The following CDIN1 variants were observed in gnomAD, a reference collection of about 807,000 sequenced individuals.
CDIN1 encodes the protein CDAN1-interacting nuclease 1.
A neutral mutation model predicts 45.3 loss-of-function variants in CDIN1; 33 were observed. The observed-to-expected ratio is 0.73, with a 90% CI of 0.55 to 0.97. CDIN1 has a LOEUF of 0.97. CDIN1 is among the 50% of genes least tolerant of loss of function. CDIN1 has a pLI of 0.00. For synonymous variants in CDIN1, 118 were observed against 124.4 expected, an observed-to-expected ratio of 0.95 and a Z score of 0.34; for missense variants, 303 against 339.4, an observed-to-expected ratio of 0.89 and a Z score of 0.84.
rs748128335 is a variant in CDIN1 at position 36,702,118 on chromosome 15, C to A, written c.544+4728C>A. ...AGTAAGAGACCAGAAATGGAACATACGATTATGTAGGCTGAAGGGAATGGA... is the reference window on the plus strand; with the variant it reads ...AGTAAGAGACCAGAAATGGAACATAAGATTATGTAGGCTGAAGGGAATGGA... On this transcript the variant is annotated intron_variant, in intron 8 of 10. Coordinates refer to ENST00000566621, the MANE Select transcript of CDIN1 (RefSeq NM_001321759.2). The A allele has an allele frequency of 4.3e-6, 3 of 701,828 alleles. No homozygotes were observed. The Admixed American group carries it at 6.0e-5, about 14-fold the overall frequency. The allele number at this position is 701,828 out of a possible 1,614,324, so 43.5% of individuals were successfully genotyped here.
At chr15:36,637,851 AAGTTTAC>A (rs1184923397) in intron 1 of CDIN1, among the ~76,000 whole-genome samples, 1 of 152,234 alleles carries the variant, frequency 6.6e-6, no homozygotes, top group Non-Finnish European at 1.5e-5. Flanking sequence ...ACTTAATATG[AAGTTTAC>A]AGACAGGCAA....
chr15:36,791,377 G>A (rs1275315921), intron 10 of CDIN1, among the ~76,000 whole-genome samples: 2 of 152,162 alleles, frequency 1.3e-5, no homozygotes, highest in African/African-American at 4.8e-5. Flanking sequence ...CTATCTAGTG[G>A]AGGAGATAAA....
chr15:36,618,072 C>T lies in CDIN1; in HGVS notation c.102-26206C>T, dbSNP rs149526391. 129 of 748,782 alleles carry T rather than the reference C, an allele frequency of 1.7e-4. No individual in the cohort carries two copies. The East Asian group carries it at 3.2e-3, about 18-fold the overall frequency. The allele number at this position is 748,782 out of a possible 1,614,324, so 46.4% of individuals were successfully genotyped here. A position where few individuals can be genotyped will look rare whatever the true frequency, so the allele number is the denominator to read the frequency against. Reference sequence around the variant, plus strand: ...AGTATTATTCCTCAGTCTTGGTCTCCAAATCCTACACCTTACTTTGAAACA... The same window carrying T: ...AGTATTATTCCTCAGTCTTGGTCTCTAAATCCTACACCTTACTTTGAAACA... On this transcript the variant is annotated intron_variant, in intron 1 of 10. Coordinates refer to ENST00000566621, the MANE Select transcript of CDIN1 (RefSeq NM_001321759.2).
At position 36,579,730 on chromosome 15, in the gene CDIN1, T is replaced by G. The variant is rs1386768246; in HGVS notation, c.-131T>G. ...GCTAGGGGTGTGTTTCAGGGGGGAT[T>G]GGGGCAAGCCAAGCAGGCGAGGACC... On this transcript the variant is annotated 5_prime_UTR_variant, in exon 1 of 11. The change creates a new upstream start codon in the 5' untranslated region. Transcript: ENST00000566621. 2 of 680,798 alleles carry G rather than the reference T, an allele frequency of 2.9e-6. No individual in the cohort carries two copies. The highest frequency in any genetic ancestry group is 4.9e-6 in the Non-Finnish European group (2 of 406,518). 42.2% of individuals were successfully genotyped at this position (680,798 alleles called of 1,614,324 possible). A position where few individuals can be genotyped will look rare whatever the true frequency, so the allele number is the denominator to read the frequency against.
At chr15:36,786,552 A>AG (rs2054496231) in intron 10 of CDIN1, among the ~76,000 whole-genome samples, 1 of 152,276 alleles carries the variant, frequency 6.6e-6, no homozygotes, top group African/African-American at 2.4e-5. Flanking sequence ...AAATTTCATA[A>AG]GGTCAACTGT....
At chr15:36,733,711 G>T (rs1261750375) in intron 10 of CDIN1, among the ~76,000 whole-genome samples, 1 of 152,050 alleles carries the variant, frequency 6.6e-6, no homozygotes, top group Non-Finnish European at 1.5e-5. Context: ...GTTTGCTCTT[G>T]TAACAACTAT....
intron 1 of CDIN1, among the ~76,000 whole-genome samples, chr15:36,598,752 T>C (rs1163150696): frequency 6.6e-6 from 1 of 152,134 alleles, no homozygotes. Context: ...CTTCCTTTCC[T>C]CATCTGTCCA....
intron 1 of CDIN1, chr15:36,618,587 A>G (rs1396661398): frequency 1.2e-6 from 1 of 855,128 alleles, no homozygotes; most frequent in African/African-American, 1.7e-5. Flanking sequence ...ATTTTGGAGA[A>G]TAGGATGTCT....
At chr15:36,714,872 G>C (rs1270363803) in intron 10 of CDIN1, among the ~76,000 whole-genome samples, 1 of 152,186 alleles carries the variant, frequency 6.6e-6, no homozygotes, top group Non-Finnish European at 1.5e-5. Context: ...GAAGTTCTGA[G>C]GTCACTGATA....
At chr15:36,746,397 G>A (rs921014583) in intron 10 of CDIN1, among the ~76,000 whole-genome samples, 9 of 152,070 alleles carry the variant, frequency 5.9e-5, no homozygotes, top group African/African-American at 1.9e-4. Context: ...GGGATATTAA[G>A]GACATGTATT....
At chr15:36,653,251 G>C (rs1002811728) in intron 3 of CDIN1, among the ~76,000 whole-genome samples, 2 of 152,102 alleles carry the variant, frequency 1.3e-5, no homozygotes, top group Admixed American at 1.3e-4. Flanking sequence ...CGAAGAAGGT[G>C]ACATCTGAAT....
intron 1 of CDIN1, among the ~76,000 whole-genome samples, chr15:36,586,422 C>T (rs2037303349): frequency 6.6e-6 from 1 of 152,140 alleles, no homozygotes; most frequent in African/African-American, 2.4e-5. Context: ...TAACCAGTGT[C>T]ATCCACTGCC....
At chr15:36,682,954 G>A (rs2041909600) in intron 5 of CDIN1, among the ~76,000 whole-genome samples, 1 of 152,070 alleles carries the variant, frequency 6.6e-6, no homozygotes, top group African/African-American at 2.4e-5. Flanking sequence ...ATAGAATTGT[G>A]TAAAAAAAGA....
chr15:36,649,073 G>A (rs890857161), intron 3 of CDIN1, among the ~76,000 whole-genome samples: 1 of 152,156 alleles, frequency 6.6e-6, no homozygotes, highest in South Asian at 2.1e-4. Flanking sequence ...GACAGATCAG[G>A]CTTTATTTAA....
At chr15:36,776,200 A>G (rs1244787371) in intron 10 of CDIN1, among the ~76,000 whole-genome samples, 1 of 152,208 alleles carries the variant, frequency 6.6e-6, no homozygotes, top group African/African-American at 2.4e-5. Context: ...CCTTTGATCA[A>G]GTCTTTCACT....
chr15:36,807,857 T>C (rs1284850721), intron 10 of CDIN1, among the ~76,000 whole-genome samples: 1 of 152,106 alleles, frequency 6.6e-6, no homozygotes, highest in Non-Finnish European at 1.5e-5. Context: ...GGACCATAAG[T>C]TGTTGCATTT....
chr15:36,732,844 A>G (rs924204346), intron 10 of CDIN1, among the ~76,000 whole-genome samples: 1 of 152,094 alleles, frequency 6.6e-6, no homozygotes, highest in African/African-American at 2.4e-5. Flanking sequence ...GTCATAAGAT[A>G]TAACCTAAAC....
intron 1 of CDIN1, among the ~76,000 whole-genome samples, chr15:36,592,756 A>AT (rs997603281): frequency 3.1e-4 from 46 of 148,344 alleles, no homozygotes; most frequent in South Asian, 2.6e-3. Flanking sequence ...ATGCTGCTTG[A>AT]TTTTTTTTTT....
At chr15:36,733,530 G>A (rs991788485) in intron 10 of CDIN1, among the ~76,000 whole-genome samples, 10 of 151,714 alleles carry the variant, frequency 6.6e-5, no homozygotes, top group Non-Finnish European at 1.3e-4. Flanking sequence ...TTTGTGAATC[G>A]TGTACATACA....
Sources: allele counts gnomAD v4.1 joint callset (sites outside exome capture counted in the v4.1 genomes callset), GRCh38; gene constraint gnomAD v4.1.1; transcripts MANE v1.5; gene names NCBI Gene and HGNC (gene_info 2026-07-23, HGNC 2026-07-21).